ZNF469: variants seen among roughly 807,000 people sequenced by gnomAD.
ZNF469 encodes the protein zinc finger protein 469.
A neutral mutation model predicts 1.0 loss-of-function variants in ZNF469; 1 was observed. The ratio of observed to expected loss-of-function variants is 1.00; its 90% CI spans 0.35 to 4.73. ZNF469 has a LOEUF of 4.73. Among genes scored for constraint, ZNF469 ranks in the 30% most tolerant of loss-of-function variants. The probability of loss-of-function intolerance (pLI) is 0.16; values close to 1 mark genes in which losing one functional copy is unlikely to be tolerated. For synonymous variants in ZNF469, 2,703 were observed against 2,363.4 expected, an observed-to-expected ratio of 1.14 and a Z score of -4.17; for missense variants, 6,100 against 5,356.3, an observed-to-expected ratio of 1.14 and a Z score of -4.33.
chr16:88,360,125 A>G, the ZNF469 span, among the ~76,000 whole-genome samples: 1 of 151,978 alleles, frequency 6.6e-6, no homozygotes, highest in Admixed American at 6.5e-5. Context: ...AAGTGCTGGG[A>G]TTACAGGCAT....
Position 88,437,202 on chromosome 16 carries a change from C to A in ZNF469, c.9732C>A (p.Ser3244=). The change falls in exon 3 of 3, where the codon TCC becomes TCA. Residue 3244 remains serine, a synonymous_variant. Transcript: ENST00000565624. ...PAPKHHRGKR[S]AGKAAGSPGD... is the part of the protein sequence containing the mutation. ...CCAAACACCACAGGGGCAAGCGCTC[C>A]GCCGGCAAGGCCGCCGGGAGCCCGG... 1 of 1,549,458 alleles carries A rather than the reference C, an allele frequency of 6.5e-7. No homozygotes were observed. Among genetic ancestry groups the A allele is most frequent in the Non-Finnish European group, 8.7e-7 (1 of 1,146,556 alleles).
At chr16:88,315,842 G>A in the ZNF469 span, among the ~76,000 whole-genome samples, 4 of 152,232 alleles carry the variant, frequency 2.6e-5, no homozygotes, top group African/African-American at 9.6e-5. Flanking sequence ...GCAGCGGCAG[G>A]AAGAGCAGCT....
the ZNF469 span, among the ~76,000 whole-genome samples, chr16:88,350,777 G>A: frequency 3.3e-5 from 5 of 152,280 alleles, no homozygotes; most frequent in East Asian, 3.9e-4. Flanking sequence ...CACGCGCTGC[G>A]GGCTCTGAAG....
At chr16:88,338,943 G>C in the ZNF469 span, among the ~76,000 whole-genome samples, 1 of 151,960 alleles carries the variant, frequency 6.6e-6, no homozygotes, top group Non-Finnish European at 1.5e-5. Flanking sequence ...TCTTTTTGAA[G>C]TTCCCCAGTT....
upstream of ZNF469, among the ~76,000 whole-genome samples, chr16:88,381,351 CTT>C (rs752360641): frequency 3.3e-5 from 5 of 149,658 alleles, no homozygotes; most frequent in South Asian, 6.4e-4. Context: ...CAGACACACA[CTT>C]ATACACACAT....
the ZNF469 span, among the ~76,000 whole-genome samples, chr16:88,356,811 G>A: frequency 5.9e-3 from 892 of 152,294 alleles, 11 homozygotes; most frequent in African/African-American, 0.019. Flanking sequence ...GAAGCTCCCC[G>A]GGGCAGGAGC....
the ZNF469 span, among the ~76,000 whole-genome samples, chr16:88,364,190 T>A: frequency 7.7e-4 from 117 of 152,320 alleles, 1 homozygote; most frequent in African/African-American, 1.9e-3. Context: ...CAGTACTCAG[T>A]TGATCCAGCA....
the ZNF469 span, among the ~76,000 whole-genome samples, chr16:88,137,203 A>G: frequency 6.6e-6 from 1 of 152,196 alleles, no homozygotes. Context: ...ATACAACTAC[A>G]TATGCATACA....
chr16:88,404,738 GA>G (rs1345071589), intron 1 of ZNF469, among the ~76,000 whole-genome samples: 1 of 152,128 alleles, frequency 6.6e-6, no homozygotes, highest in Non-Finnish European at 1.5e-5. Context: ...GCATTATGAG[GA>G]GAAAGGTAGC....
At chr16:88,422,334 T>C (rs1184916855) in intron 1 of ZNF469, among the ~76,000 whole-genome samples, 1 of 97,488 alleles carries the variant, frequency 1.0e-5, no homozygotes, top group Non-Finnish European at 2.2e-5. Context: ...GATGGATGGA[T>C]GGGTGAATGG....
intron 1 of ZNF469, among the ~76,000 whole-genome samples, chr16:88,391,418 C>A (rs1230670772): frequency 3.3e-5 from 5 of 152,252 alleles, no homozygotes; most frequent in Non-Finnish European, 7.3e-5. Flanking sequence ...CAAGTCTGAT[C>A]CTGGGCAAAG....
At chr16:88,199,070 A>C in the ZNF469 span, among the ~76,000 whole-genome samples, 1 of 152,058 alleles carries the variant, frequency 6.6e-6, no homozygotes, top group Non-Finnish European at 1.5e-5. Flanking sequence ...CCCTCCCCCA[A>C]ATGCCACCAG....
At chr16:88,202,122 G>T in the ZNF469 span, among the ~76,000 whole-genome samples, 1 of 152,166 alleles carries the variant, frequency 6.6e-6, no homozygotes, top group African/African-American at 2.4e-5. Flanking sequence ...GCCAGGTTCA[G>T]CGTCTGTGGT....
In ZNF469 at chr16:88,427,445, C is replaced by T. The variant is rs559629715; in HGVS notation, c.-26C>T. Reference sequence around the variant, plus strand: ...CAGGGCCCCCCTCGGACAGCTGCGTCGTCCTAGCGCCAGGACGGAGGGGCC... The same window carrying T: ...CAGGGCCCCCCTCGGACAGCTGCGTTGTCCTAGCGCCAGGACGGAGGGGCC... On this transcript the variant is annotated 5_prime_UTR_variant, in exon 3 of 3. Transcript: ENST00000565624. 8.2e-6 allele frequency: 12 copies of T among 1,462,292 alleles called. No homozygotes were observed. The highest frequency in any genetic ancestry group is 4.8e-5 in the Admixed American group (2 of 41,552). The allele number at this position is 1,462,292 out of a possible 1,614,324, so 90.6% of individuals were successfully genotyped here. A position where few individuals can be genotyped will look rare whatever the true frequency, so the allele number is the denominator to read the frequency against.
the ZNF469 span, among the ~76,000 whole-genome samples, chr16:88,239,742 A>G: frequency 1.5e-5 from 1 of 68,250 alleles, no homozygotes; most frequent in East Asian, 3.9e-4. Flanking sequence ...TTTTTTTTTT[A>G]GTAGAGACAG....
the ZNF469 span, among the ~76,000 whole-genome samples, chr16:88,132,483 G>A: frequency 6.6e-6 from 1 of 152,232 alleles, no homozygotes; most frequent in Non-Finnish European, 1.5e-5. Flanking sequence ...TCGAGAGACT[G>A]AGCCTTTCCC....
At chr16:88,205,604 A>G in the ZNF469 span, among the ~76,000 whole-genome samples, 11 of 152,216 alleles carry the variant, frequency 7.2e-5, no homozygotes, top group African/African-American at 2.7e-4. The surrounding 1 kb of genome is among the most constrained non-coding windows in gnomAD (Gnocchi z 4.2). Context: ...AAAAACACAC[A>G]CAAGCAAAGA....
chr16:88,168,639 T>G, the ZNF469 span, among the ~76,000 whole-genome samples: 1 of 152,256 alleles, frequency 6.6e-6, no homozygotes, highest in South Asian at 2.1e-4. The surrounding 1 kb of genome is among the most constrained non-coding windows in gnomAD (Gnocchi z 4.3). Flanking sequence ...CCAGAACAGT[T>G]TGTTTATCTG....
At chr16:88,355,243 G>A in the ZNF469 span, among the ~76,000 whole-genome samples, 1 of 152,220 alleles carries the variant, frequency 6.6e-6, no homozygotes, top group Non-Finnish European at 1.5e-5. Flanking sequence ...ATGGCTGGAG[G>A]TGCTTAAAGG....
Sources: gnomAD v4.1 joint callset for allele counts (sites outside exome capture counted in the v4.1 genomes callset) on GRCh38, gnomAD v4.1.1 for gene constraint, Gnocchi (gnomAD v3.1) non-coding constraint, MANE v1.5 for transcripts, NCBI Gene and HGNC (gene_info 2026-07-23, HGNC 2026-07-21) for gene names.